The following IMPA2 variants were observed in gnomAD, a reference collection of about 807,000 sequenced individuals.
IMPA2 encodes the protein inositol monophosphatase 2.
IMPA2 carries 32 observed loss-of-function variants against 35.1 expected under a neutral mutation model. That is an observed-to-expected ratio of 0.91 (90% CI 0.69 to 1.23). IMPA2 has a LOEUF of 1.23. IMPA2 is among the 50% of genes most tolerant of loss of function. The pLI, the probability that IMPA2 is intolerant of heterozygous loss-of-function variation, is 0.00. For missense variants in IMPA2, 334 were observed against 387.6 expected (o/e 0.86, Z 1.16); for synonymous variants, 135 against 160.6 (o/e 0.84, Z 1.20).
At chr18:11,989,711 C>T (rs1906759995) in intron 1 of IMPA2, among the ~76,000 whole-genome samples, 1 of 152,286 alleles carries the variant, frequency 6.6e-6, no homozygotes, top group African/African-American at 2.4e-5. Context: ...CCAGTGAGGT[C>T]CCACCTGTGC....
intron 5 of IMPA2, among the ~76,000 whole-genome samples, chr18:12,020,539 T>C (rs1044798380): frequency 7.2e-5 from 11 of 152,222 alleles, no homozygotes; most frequent in African/African-American, 2.7e-4. Flanking sequence ...CAGTTTTTAA[T>C]ATTTTTTTTA....
intron 1 of IMPA2, among the ~76,000 whole-genome samples, chr18:11,997,242 T>C (rs1456831619): frequency 6.6e-6 from 1 of 152,208 alleles, no homozygotes; most frequent in East Asian, 1.9e-4. Context: ...ACAAGGCCTG[T>C]GGAGCTTGAT....
At chr18:12,011,099 C>T (rs927067987) in intron 3 of IMPA2, among the ~76,000 whole-genome samples, 4 of 152,160 alleles carry the variant, frequency 2.6e-5, no homozygotes, top group South Asian at 2.1e-4. Flanking sequence ...GGTGAAGCCC[C>T]GTCACATGGT....
Position 12,027,877 on chromosome 18 carries a change from C to T in IMPA2, c.491-166C>T, listed in dbSNP as rs75263067. Among the ~76,000 whole-genome samples, 345 of 152,064 alleles carry T rather than the reference C, an allele frequency of 2.3e-3. 1 individual carries two copies. In the Middle Eastern group the frequency reaches 0.027, roughly 12 times the overall value. ...CATTACAGGCACGATCCACTGTGCC[C>T]GGTCCATCCTTAGTTTTCAACATAG... On this transcript the variant is annotated intron_variant, in intron 5 of 7. Coordinates refer to ENST00000269159, the MANE Select transcript of IMPA2 (RefSeq NM_014214.3).
intron 2 of IMPA2, among the ~76,000 whole-genome samples, chr18:12,005,116 A>G (rs779299680): frequency 1.3e-5 from 2 of 152,222 alleles, no homozygotes; most frequent in Non-Finnish European, 2.9e-5. Context: ...GCAGCCACAC[A>G]GTGCAGAAGC....
intron 1 of IMPA2, among the ~76,000 whole-genome samples, chr18:11,997,303 G>A (rs556218430): frequency 5.3e-5 from 8 of 152,314 alleles, no homozygotes; most frequent in Non-Finnish European, 8.8e-5. Flanking sequence ...TTGACCTGGT[G>A]GCAATGAGCA....
chr18:11,985,334 G>C (rs1158027814), intron 1 of IMPA2, among the ~76,000 whole-genome samples: 1 of 151,882 alleles, frequency 6.6e-6, no homozygotes, highest in African/African-American at 2.4e-5. Flanking sequence ...AATACTTTTT[G>C]CCCTTTTTCT....
At chr18:12,016,563 G>T (rs1907584693) in intron 5 of IMPA2, among the ~76,000 whole-genome samples, 1 of 152,034 alleles carries the variant, frequency 6.6e-6, no homozygotes, top group African/African-American at 2.4e-5. Flanking sequence ...GGGATTACAG[G>T]TGCGCACCAC....
chr18:12,017,784 G>T (rs1210913094), intron 5 of IMPA2: 1 of 341,308 alleles, frequency 2.9e-6, no homozygotes, highest in Middle Eastern at 1.0e-3. Flanking sequence ...TAGAGACGGG[G>T]TTTCACCATG....
At chr18:12,021,943 A>C (rs1222426962) in intron 5 of IMPA2, 2 of 152,248 alleles carry the variant, frequency 1.3e-5, no homozygotes, top group Non-Finnish European at 2.9e-5. Flanking sequence ...GTCGGAAGTC[A>C]CTGGCTATTC....
Position 11,981,573 on chromosome 18 carries a change from C to G in IMPA2, c.-97C>G. 1 of 780,168 alleles carries G rather than the reference C, an allele frequency of 1.3e-6. No homozygotes were observed. Among genetic ancestry groups the G allele is most frequent in the Non-Finnish European group, 1.7e-6 (1 of 577,278 alleles). The allele number at this position is 780,168 out of a possible 1,614,324, so 48.3% of individuals were successfully genotyped here. A position where few individuals can be genotyped will look rare whatever the true frequency, so the allele number is the denominator to read the frequency against. ...AGGCACAGAGCTGCGGGAGCAGGCA[C>G]AGGGAGTGTGGAGCCTGGCGGCGGG... On this transcript the variant is annotated 5_prime_UTR_variant, in exon 1 of 8. Transcript: ENST00000269159.
At chr18:11,994,450 C>G (rs1033143933) in intron 1 of IMPA2, 1 of 152,280 alleles carries the variant, frequency 6.6e-6, no homozygotes, top group African/African-American at 2.4e-5. Flanking sequence ...CTCTGTAACC[C>G]ATGACTCGGC....
intron 7 of IMPA2, among the ~76,000 whole-genome samples, chr18:12,030,008 G>C (rs1598709024): frequency 6.6e-6 from 1 of 152,254 alleles, no homozygotes; most frequent in African/African-American, 2.4e-5. Flanking sequence ...AGTCAAGCTT[G>C]AGAAGGGCAG....
chr18:12,029,133 T>TG (rs1491294605), intron 7 of IMPA2, 140 bp downstream of exon 7: 6 of 743,262 alleles, frequency 8.1e-6, no homozygotes, highest in Admixed American at 3.2e-5. Flanking sequence ...TTTTTTTTTT[T>TG]GAGACGGGGT....
rs1907410527 is a variant in IMPA2 at position 12,010,706 on chromosome 18, C to A, written c.335+719C>A. Among the ~76,000 whole-genome samples the A allele has an allele frequency of 6.6e-6, 1 of 152,198 alleles. No individual in the cohort carries two copies. The highest frequency in any genetic ancestry group is 1.5e-5 in the Non-Finnish European group (1 of 68,044). On this transcript the variant is annotated intron_variant, in intron 3 of 7. Transcript: ENST00000269159. This position sits in a 1 kb window ranked among gnomAD's most constrained non-coding sequence, Gnocchi z 4.8. Reference sequence around the variant, plus strand: ...TCCCATTCCATGGGCGGGTGGCTTGCAGCTCCTGCGCTCACAGTGCACGCC... The same window carrying A: ...TCCCATTCCATGGGCGGGTGGCTTGAAGCTCCTGCGCTCACAGTGCACGCC...
chr18:11,984,314 C>T (rs542121200), intron 1 of IMPA2, among the ~76,000 whole-genome samples: 1 of 152,334 alleles, frequency 6.6e-6, no homozygotes, highest in South Asian at 2.1e-4. Flanking sequence ...TTCCAGCCAC[C>T]CACACTGTGA....
At chr18:12,024,213 G>A (rs1371168731) in intron 5 of IMPA2, among the ~76,000 whole-genome samples, 1 of 152,204 alleles carries the variant, frequency 6.6e-6, no homozygotes, top group Non-Finnish European at 1.5e-5. Flanking sequence ...GTGAGCAACA[G>A]AATAAGCTAT....
At chr18:12,014,958 C>T (rs186900967) in intron 5 of IMPA2, among the ~76,000 whole-genome samples, 1 of 152,298 alleles carries the variant, frequency 6.6e-6, no homozygotes, top group East Asian at 1.9e-4. Flanking sequence ...TGCCTGGAAC[C>T]GCCTGTCCTG....
At position 12,027,567 on chromosome 18, in the gene IMPA2, ATTT is replaced by A. The variant is rs138876745; in HGVS notation, c.491-455_491-453del. Among the ~76,000 whole-genome samples, 5 of 90,980 alleles carry A rather than the reference ATTT, an allele frequency of 5.5e-5. No individual in the cohort carries two copies. In the Admixed American group the frequency reaches 5.7e-4, roughly 10 times the overall value. 59.7% of individuals were successfully genotyped at this position (90,980 alleles called of 152,430 possible). ...TTTTCTTTTTGGTTGAATGATGGTG[ATTT>A]TTTTTTTTTTTTTTTTTTTTAAAGA... On this transcript the variant is annotated intron_variant, in intron 5 of 7. Coordinates refer to ENST00000269159, the MANE Select transcript of IMPA2 (RefSeq NM_014214.3).
Sources: gnomAD v4.1 joint callset for allele counts (sites outside exome capture counted in the v4.1 genomes callset) on GRCh38, gnomAD v4.1.1 for gene constraint, Gnocchi (gnomAD v3.1) non-coding constraint, MANE v1.5 for transcripts, NCBI Gene and HGNC (gene_info 2026-07-23, HGNC 2026-07-21) for gene names.